Variants in ZP3 observed in about 807,000 individuals in gnomAD.
ZP3 encodes the protein zona pellucida sperm-binding protein 3.
A neutral mutation model predicts 35.6 loss-of-function variants in ZP3; 21 were observed. The ratio of observed to expected loss-of-function variants is 0.59; its 90% CI spans 0.42 to 0.85. The LOEUF (loss-of-function observed/expected upper bound fraction) is 0.85. Among genes scored for constraint, ZP3 ranks in the 40% least tolerant of loss-of-function variants. The pLI, the probability that ZP3 is intolerant of heterozygous loss-of-function variation, is 0.00. For synonymous variants in ZP3, 207 were observed against 214.5 expected (o/e 0.96, Z 0.31); for missense variants, 437 against 536.5 (o/e 0.81, Z 1.83).
chr7:76,433,476 G>A lies in ZP3; in HGVS notation c.542G>A (p.Trp181Ter). Reference protein sequence around the residue: ...TFSLRLMEENWNAEKRSPTFH... With the variant: ...TFSLRLMEEN ...AGCTGACTGTGTCTTTCAGAGAACTGGAACGCTGAGAAGAGGTCCCCCACC... is the reference window on the plus strand; with the variant it reads ...AGCTGACTGTGTCTTTCAGAGAACTAGAACGCTGAGAAGAGGTCCCCCACC... Residue 181 changes from tryptophan to a stop codon, truncating the protein, a stop_gained, in exon 4 of 8, where the codon TGG (tryptophan) becomes TAG (stop). Coordinates refer to ENST00000394857, the MANE Select transcript of ZP3 (RefSeq NM_001110354.2). LOFTEE classifies it high-confidence loss of function. 7 of 1,612,554 alleles carry A rather than the reference G, an allele frequency of 4.3e-6. No individual in the cohort carries two copies. Among genetic ancestry groups the A allele is most frequent in the Non-Finnish European group, 5.9e-6 (7 of 1,179,300 alleles).
intron 2 of ZP3, 92 bp from the exon 3 acceptor site, chr7:76,432,835 G>C (rs747255669): frequency 1.4e-4 from 148 of 1,085,090 alleles, no homozygotes; most frequent in Non-Finnish European, 2.0e-4. Context: ...TGAGGACCCT[G>C]TAGTGGGGTA....
intron 1 of ZP3, among the ~76,000 whole-genome samples, chr7:76,404,035 T>C (rs1804918568): frequency 6.6e-6 from 1 of 152,132 alleles, no homozygotes; most frequent in Admixed American, 6.6e-5. Flanking sequence ...CCAACAGCCA[T>C]TGGTGAGCAC....
upstream of ZP3, among the ~76,000 whole-genome samples, chr7:76,423,669 C>T (rs528001324): frequency 3.7e-4 from 56 of 152,120 alleles, no homozygotes; most frequent in African/African-American, 1.2e-3. Context: ...TGTCTGTAAT[C>T]CCAGCACTTT....
chr7:76,406,901 A>G (rs1489701645), intron 1 of ZP3, among the ~76,000 whole-genome samples: 2 of 151,742 alleles, frequency 1.3e-5, no homozygotes, highest in Admixed American at 6.6e-5. Context: ...CATGGTAACT[A>G]TGATTTACTT....
chr7:76,427,237 C>T (rs1805694297), intron 1 of ZP3, among the ~76,000 whole-genome samples: 1 of 151,940 alleles, frequency 6.6e-6, no homozygotes, highest in African/African-American at 2.4e-5. Context: ...CTGCGGCTGG[C>T]CGTGCGCAGT....
chr7:76,397,530 C>A, exon 1 of ZP3: 1 of 1,566,080 alleles, frequency 6.4e-7, no homozygotes. Flanking sequence ...GCGCAGAGCG[C>A]GCCCGCGTCC....
At chr7:76,408,625 C>A (rs551527876) in intron 1 of ZP3, among the ~76,000 whole-genome samples, 4 of 152,226 alleles carry the variant, frequency 2.6e-5, no homozygotes, top group African/African-American at 7.2e-5. Context: ...GGGAGAAGGA[C>A]CCCCGATCCT....
chr7:76,416,462 T>G (rs1406007334), intron 1 of ZP3, among the ~76,000 whole-genome samples: 1 of 151,908 alleles, frequency 6.6e-6, no homozygotes, highest in Non-Finnish European at 1.5e-5. Flanking sequence ...TACAAAATAT[T>G]TATTTTCCTT....
Position 76,440,296 on chromosome 7 carries a change from C to G in ZP3, c.878C>G (p.Pro293Arg), listed in dbSNP as rs145839945. Residue 293 changes from proline (P) to arginine (R), a missense_variant, in exon 6 of 8, where the codon CCA becomes CGA. Pro to Arg is a moderately radical substitution (Grantham distance 103). Coordinates refer to ENST00000394857, the MANE Select transcript of ZP3 (RefSeq NM_001110354.2). The stretch of plus-strand genomic sequence containing the variant: ...AAGGTCACCCTAGCTGAGCAGGACC[C>G]AGATGAACTCAACAAGGCCTGTTCC... ...HLKVTLAEQD[P>R]DELNKACSFS... 105 of 1,611,350 alleles carry G rather than the reference C, an allele frequency of 6.5e-5. No individual in the cohort carries two copies. In the African/African-American group the frequency reaches 1.3e-3, roughly 20 times the overall value.
intron 1 of ZP3, among the ~76,000 whole-genome samples, chr7:76,405,345 T>TCTTTCTTTC (rs1364831511): frequency 7.6e-5 from 8 of 105,176 alleles, no homozygotes; most frequent in Non-Finnish European, 1.4e-4. Context: ...CTTTCTTTTT[T>TCTTTCTTTC]TTTTTTTTTT....
intron 1 of ZP3, 140 bp from the exon 2 acceptor site, chr7:76,429,374 AG>A: frequency 1.3e-6 from 1 of 750,928 alleles, no homozygotes; most frequent in East Asian, 2.6e-5. Flanking sequence ...CTGGGGTTAC[AG>A]GCATGAGTCA....
At chr7:76,404,274 G>A (rs1804926661) in intron 1 of ZP3, 2 of 1,517,202 alleles carry the variant, frequency 1.3e-6, no homozygotes, top group African/African-American at 2.8e-5. Context: ...TTCAGAAAGA[G>A]GAAGTGGCAA....
chr7:76,423,903 GC>G (rs1368327076), upstream of ZP3, among the ~76,000 whole-genome samples: 2 of 151,662 alleles, frequency 1.3e-5, no homozygotes, highest in Non-Finnish European at 1.5e-5. Context: ...CTGAAGCCAA[GC>G]CCCGCTTCTG....
At chr7:76,430,213 AAAT>A (rs948878635) in intron 2 of ZP3, among the ~76,000 whole-genome samples, 3 of 152,088 alleles carry the variant, frequency 2.0e-5, no homozygotes, top group East Asian at 3.9e-4. Flanking sequence ...CCATCGCAAA[AAAT>A]AATAATAAAA....
At chr7:76,426,578 TGAG>T (rs1376136396) in intron 1 of ZP3, among the ~76,000 whole-genome samples, 1 of 152,072 alleles carries the variant, frequency 6.6e-6, no homozygotes, top group Non-Finnish European at 1.5e-5. Flanking sequence ...AGGAGTTACT[TGAG>T]GAATTATTCC....
exon 1 of ZP3, chr7:76,397,574 A>G (rs1446908468): frequency 1.9e-6 from 3 of 1,608,220 alleles, no homozygotes; most frequent in Non-Finnish European, 2.5e-6. Context: ...ACCCCAGCCC[A>G]GGCTCTGGCA....
intron 1 of ZP3, among the ~76,000 whole-genome samples, chr7:76,409,103 C>T (rs925476658): frequency 6.6e-6 from 1 of 152,130 alleles, no homozygotes; most frequent in African/African-American, 2.4e-5. Context: ...GTTTCTCCAT[C>T]GAGACTGCAG....
rs1224219398 is a variant in ZP3, at chr7:76,400,553, G to A, written c.-67+2756G>A. 15 of 1,513,084 alleles carry A rather than the reference G, an allele frequency of 9.9e-6. 2 individuals carry two copies. The highest frequency in any genetic ancestry group is 8.8e-5 in the South Asian group (7 of 79,666). 93.7% of individuals were successfully genotyped at this position (1,513,084 alleles called of 1,614,324 possible). ...GAGCCACCGTGCATGACTTCCAGGC[G>A]GCCCCGGCAGCGGCTGGGGCCCCCC... On this transcript the variant is annotated intron_variant, in intron 1 of 8. Transcript: ENST00000336517.
At chr7:76,397,834 TG>T in intron 1 of ZP3, 1 of 1,558,220 alleles carries the variant, frequency 6.4e-7, no homozygotes, top group Admixed American at 1.9e-5. Context: ...TGCCCTCACC[TG>T]GGGATGGGGG....
Sources: allele counts gnomAD v4.1 joint callset (sites outside exome capture counted in the v4.1 genomes callset), GRCh38; gene constraint gnomAD v4.1.1; transcripts MANE v1.5; gene names NCBI Gene and HGNC (gene_info 2026-07-23, HGNC 2026-07-21).